The following SLC9A9 variants were observed in gnomAD, a reference collection of about 807,000 sequenced individuals.
The protein encoded by SLC9A9 is solute carrier family 9 member A9.
SLC9A9 carries 62 observed loss-of-function variants against 77.8 expected under a neutral mutation model. That is an observed-to-expected ratio of 0.80 (90% CI 0.65 to 0.98). SLC9A9 has a LOEUF of 0.98. SLC9A9 is among the 50% of genes least tolerant of loss of function. The probability of loss-of-function intolerance (pLI) is 0.00; values close to 1 mark genes in which losing one functional copy is unlikely to be tolerated. For missense variants in SLC9A9, 775 were observed against 774.9 expected, an observed-to-expected ratio of 1.00 and a Z score of 0.00; for synonymous variants, 320 against 283.5, an observed-to-expected ratio of 1.13 and a Z score of -1.29.
chr3:143,334,282 A>G (rs763955812), intron 14 of SLC9A9, among the ~76,000 whole-genome samples: 3 of 152,208 alleles, frequency 2.0e-5, no homozygotes, highest in Non-Finnish European at 4.4e-5. Context: ...GGCCAGTGGA[A>G]TTAAAATGGA....
At chr3:143,297,495 T>A (rs967947734) in intron 14 of SLC9A9, among the ~76,000 whole-genome samples, 6 of 152,222 alleles carry the variant, frequency 3.9e-5, no homozygotes, top group Non-Finnish European at 8.8e-5. Context: ...TTCTTTTTCC[T>A]CCAGATAGCT....
At chr3:143,318,212 T>C (rs2031292937) in intron 14 of SLC9A9, among the ~76,000 whole-genome samples, 1 of 152,204 alleles carries the variant, frequency 6.6e-6, no homozygotes. Context: ...GACTAATAAA[T>C]GTTCTTAAAT....
chr3:143,837,255 A>G (rs1026173791), intron 1 of SLC9A9, among the ~76,000 whole-genome samples: 1 of 152,150 alleles, frequency 6.6e-6, no homozygotes, highest in Admixed American at 6.6e-5. Flanking sequence ...CTCCATTCCT[A>G]TAGGAGCAGA....
chr3:143,304,986 G>T (rs2030711941), intron 14 of SLC9A9, among the ~76,000 whole-genome samples: 1 of 152,156 alleles, frequency 6.6e-6, no homozygotes, highest in Admixed American at 6.5e-5. Context: ...ACTCTGGAGA[G>T]TACTTTTATA....
At position 143,265,900 on chromosome 3, in the gene SLC9A9, C is replaced by G; in HGVS notation, c.*802G>C. 1.6e-6 allele frequency: 1 copy of G among 606,872 alleles called. No individual in the cohort carries two copies. Among genetic ancestry groups the G allele is most frequent in the Non-Finnish European group, 3.0e-6 (1 of 338,474 alleles). The allele number at this position is 606,872 out of a possible 1,614,324, so 37.6% of individuals were successfully genotyped here. The stretch of plus-strand genomic sequence containing the variant: ...CCAGCATATCGCGGGGAGGGGGGGA[C>G]CTGCTGCACAGCCAAGAAGTGACTC... On this transcript the variant is annotated 3_prime_UTR_variant, in exon 16 of 16. Coordinates refer to ENST00000316549, the MANE Select transcript of SLC9A9 (RefSeq NM_173653.4).
chr3:143,388,889 G>T (rs1307176864), intron 12 of SLC9A9, among the ~76,000 whole-genome samples: 1 of 152,202 alleles, frequency 6.6e-6, no homozygotes, highest in Non-Finnish European at 1.5e-5. Flanking sequence ...GGAGCAATTA[G>T]GTACGTTTCA....
chr3:143,410,993 A>G (rs2108519546), intron 12 of SLC9A9, among the ~76,000 whole-genome samples: 1 of 152,340 alleles, frequency 6.6e-6, no homozygotes, highest in Middle Eastern at 3.4e-3. Flanking sequence ...CTGGATTATA[A>G]TTAGAGAATA....
At chr3:143,623,624 G>C (rs563392122) in intron 6 of SLC9A9, among the ~76,000 whole-genome samples, 28 of 152,178 alleles carry the variant, frequency 1.8e-4, no homozygotes, top group African/African-American at 6.0e-4. Context: ...AGTGTGTAGA[G>C]GGAAATTTAT....
At chr3:143,456,918 TG>T (rs1559924933) in intron 12 of SLC9A9, among the ~76,000 whole-genome samples, 1 of 152,224 alleles carries the variant, frequency 6.6e-6, no homozygotes, top group Non-Finnish European at 1.5e-5. Context: ...TCTTCTTGAA[TG>T]GGTTTTGGTA....
intron 12 of SLC9A9, among the ~76,000 whole-genome samples, chr3:143,421,090 G>A (rs540564915): frequency 2.0e-5 from 3 of 152,068 alleles, no homozygotes; most frequent in Non-Finnish European, 4.4e-5. Flanking sequence ...GAGGTGAGGT[G>A]AGAGATCTCT....
chr3:143,328,131 A>G (rs10935488), intron 14 of SLC9A9, among the ~76,000 whole-genome samples: 84,450 of 152,048 alleles, frequency 0.56, 24,995 homozygotes, highest in African/African-American at 0.75. Flanking sequence ...TGGTAGATAC[A>G]TGTCATTACA....
chr3:143,785,906 G>C (rs13073355), intron 4 of SLC9A9, among the ~76,000 whole-genome samples: 77,457 of 142,518 alleles, frequency 0.54, 22,827 homozygotes, highest in African/African-American at 0.77. Context: ...GCCCAGGCTG[G>C]AGTGCAGTGG....
intron 4 of SLC9A9, among the ~76,000 whole-genome samples, chr3:143,791,987 G>A (rs1388761062): frequency 6.6e-6 from 1 of 152,110 alleles, no homozygotes; most frequent in African/African-American, 2.4e-5. Flanking sequence ...CACGTTTTTG[G>A]CATTAATTAT....
intron 4 of SLC9A9, among the ~76,000 whole-genome samples, chr3:143,786,525 A>G (rs1192121734): frequency 1.3e-5 from 2 of 151,994 alleles, no homozygotes; most frequent in African/African-American, 2.4e-5. Flanking sequence ...CCTCTAAACT[A>G]CATCTCTGAT....
intron 2 of SLC9A9, among the ~76,000 whole-genome samples, chr3:143,815,244 T>C (rs958864589): frequency 6.6e-6 from 1 of 152,174 alleles, no homozygotes; most frequent in Non-Finnish European, 1.5e-5. Flanking sequence ...ATGGTTTTCA[T>C]AGTAAAAAAA....
chr3:143,725,448 G>A (rs1576684143), intron 4 of SLC9A9, among the ~76,000 whole-genome samples: 1 of 152,096 alleles, frequency 6.6e-6, no homozygotes, highest in Non-Finnish European at 1.5e-5. Flanking sequence ...TATGTTTATT[G>A]CGGCACTATT....
At chr3:143,723,328 T>C (rs1420412115) in intron 4 of SLC9A9, among the ~76,000 whole-genome samples, 2 of 152,176 alleles carry the variant, frequency 1.3e-5, no homozygotes, top group African/African-American at 4.8e-5. Context: ...ATAAGACTTC[T>C]GCACACATGG....
intron 8 of SLC9A9, among the ~76,000 whole-genome samples, chr3:143,562,816 T>G (rs1576578850): frequency 6.6e-6 from 1 of 151,962 alleles, no homozygotes; most frequent in East Asian, 1.9e-4. Flanking sequence ...TATGAGGCCC[T>G]GCAGCAATGA....
At chr3:143,539,516 A>G (rs1224240905) in intron 9 of SLC9A9, among the ~76,000 whole-genome samples, 1 of 152,230 alleles carries the variant, frequency 6.6e-6, no homozygotes, top group East Asian at 1.9e-4. Context: ...CATTGCATCA[A>G]TAAAATTTAA....
Sources: gnomAD v4.1 joint callset for allele counts (sites outside exome capture counted in the v4.1 genomes callset) on GRCh38, gnomAD v4.1.1 for gene constraint, MANE v1.5 for transcripts, NCBI Gene and HGNC (gene_info 2026-07-23, HGNC 2026-07-21) for gene names.